CACNA2D3: variants seen among roughly 807,000 people sequenced by gnomAD.
CACNA2D3 encodes voltage-dependent calcium channel subunit alpha-2/delta-3.
Under a neutral mutation model 160.6 loss-of-function variants are expected in CACNA2D3, and 60 were observed. That is an observed-to-expected ratio of 0.37 (90% CI 0.30 to 0.46). CACNA2D3 has a LOEUF of 0.46. Among genes scored for constraint, CACNA2D3 ranks in the 20% least tolerant of loss-of-function variants. The pLI is 1.00. For missense variants in CACNA2D3, 1,205 were observed against 1,365.0 expected (o/e 0.88, Z 1.85); for synonymous variants, 558 against 492.9 (o/e 1.13, Z -1.75).
intron 4 of CACNA2D3, among the ~76,000 whole-genome samples, chr3:54,482,441 A>T (rs1439031610): frequency 2.0e-5 from 3 of 152,238 alleles, no homozygotes; most frequent in African/African-American, 7.2e-5. Flanking sequence ...TGCCTTCATT[A>T]CTAGCAAGCA....
chr3:54,425,991 A>G (rs1245757235), intron 4 of CACNA2D3, among the ~76,000 whole-genome samples: 1 of 152,236 alleles, frequency 6.6e-6, no homozygotes, highest in Non-Finnish European at 1.5e-5. Flanking sequence ...AGCCACCTGC[A>G]TGGCACGTTG....
intron 11 of CACNA2D3, among the ~76,000 whole-genome samples, chr3:54,747,992 G>C (rs1001995209): frequency 2.0e-5 from 3 of 152,154 alleles, no homozygotes; most frequent in Non-Finnish European, 4.4e-5. Context: ...CCAAGAAAAT[G>C]TGAAGTCCCT....
At chr3:54,855,153 G>A (rs1699141030) in intron 17 of CACNA2D3, among the ~76,000 whole-genome samples, 1 of 152,122 alleles carries the variant, frequency 6.6e-6, no homozygotes, top group East Asian at 1.9e-4. Flanking sequence ...CCTCTGATCT[G>A]GGCTGCGACT....
intron 27 of CACNA2D3, among the ~76,000 whole-genome samples, chr3:54,941,478 GT>G (rs1057368762): frequency 1.3e-5 from 2 of 152,086 alleles, no homozygotes; most frequent in African/African-American, 2.4e-5. Context: ...TTCATCTGTC[GT>G]TTTCCCCCTC....
chr3:54,223,283 T>C (rs1701607718), intron 2 of CACNA2D3, among the ~76,000 whole-genome samples: 1 of 152,238 alleles, frequency 6.6e-6, no homozygotes, highest in Non-Finnish European at 1.5e-5. Context: ...AGTCTATTGC[T>C]CCTAGGTGAC....
chr3:54,784,370 T>C (rs1702594064), intron 13 of CACNA2D3, among the ~76,000 whole-genome samples: 1 of 152,088 alleles, frequency 6.6e-6, no homozygotes, highest in Non-Finnish European at 1.5e-5. Flanking sequence ...AAACCTTGCC[T>C]CTGGTCTGAA....
At chr3:54,188,078 C>G (rs116149670) in intron 2 of CACNA2D3, among the ~76,000 whole-genome samples, 1 of 152,130 alleles carries the variant, frequency 6.6e-6, no homozygotes, top group Non-Finnish European at 1.5e-5. Context: ...TATGTGCTCC[C>G]CCAACCAGCT....
At chr3:55,002,356 C>T (rs1291462139) in intron 31 of CACNA2D3, among the ~76,000 whole-genome samples, 1 of 152,142 alleles carries the variant, frequency 6.6e-6, no homozygotes, top group Non-Finnish European at 1.5e-5. Flanking sequence ...AAGTCAATAC[C>T]AATTCTTGCC....
intron 2 of CACNA2D3, among the ~76,000 whole-genome samples, chr3:54,263,030 A>G (rs1054547520): frequency 1.3e-5 from 2 of 152,172 alleles, no homozygotes; most frequent in Admixed American, 6.5e-5. Context: ...ATGACTTTGC[A>G]GAGAAATTTT....
chr3:54,392,771 A>C (rs1451720728), intron 4 of CACNA2D3, among the ~76,000 whole-genome samples: 4 of 152,122 alleles, frequency 2.6e-5, no homozygotes, highest in African/African-American at 9.7e-5. Flanking sequence ...TACCTGTTAC[A>C]ATGGGAGCTT....
chr3:54,602,628 AC>A (rs1382985450), intron 9 of CACNA2D3, among the ~76,000 whole-genome samples: 4 of 152,082 alleles, frequency 2.6e-5, no homozygotes, highest in African/African-American at 9.7e-5. Context: ...CATGAAGCTA[AC>A]CCTGGATTTG....
intron 31 of CACNA2D3, among the ~76,000 whole-genome samples, 177 bp downstream of exon 31, chr3:54,987,930 G>A (rs527555621): frequency 1.3e-4 from 20 of 152,306 alleles, no homozygotes; most frequent in African/African-American, 4.8e-4. Flanking sequence ...TAGAGTGTTA[G>A]AGTCTTAGAA....
At chr3:54,219,165 C>G (rs915952196) in intron 2 of CACNA2D3, among the ~76,000 whole-genome samples, 2 of 152,214 alleles carry the variant, frequency 1.3e-5, no homozygotes, top group Admixed American at 1.3e-4. Flanking sequence ...CATGCTGGAG[C>G]TGCCTCGTAC....
chr3:54,457,982 G>C (rs1299612426), intron 4 of CACNA2D3, among the ~76,000 whole-genome samples: 1 of 151,938 alleles, frequency 6.6e-6, no homozygotes, highest in Non-Finnish European at 1.5e-5. Flanking sequence ...TACATGCAAA[G>C]TAAATTTCCT....
rs180916616 is a variant in CACNA2D3 at position 54,417,358 on chromosome 3, C to T, written c.381+30584C>T. Among the ~76,000 whole-genome samples the T allele has an allele frequency of 8.9e-4, 136 of 152,270 alleles. 3 individuals are homozygous for T. The highest frequency in any genetic ancestry group is 3.1e-3 in the African/African-American group (129 of 41,554). ...ATAATTTTCTTGTTTGGAGTATTTT[C>T]TTTAGTAGCCAGAGATTCTGATGTT... On this transcript the variant is annotated intron_variant, in intron 4 of 37. Transcript: ENST00000474759.
chr3:54,308,700 C>G (rs1364110991), intron 2 of CACNA2D3, among the ~76,000 whole-genome samples: 1 of 152,188 alleles, frequency 6.6e-6, no homozygotes, highest in Non-Finnish European at 1.5e-5. Flanking sequence ...TGCTTGATCT[C>G]TCTATACCTT....
chr3:54,280,405 A>G (rs937027968), intron 2 of CACNA2D3, among the ~76,000 whole-genome samples: 7 of 152,112 alleles, frequency 4.6e-5, no homozygotes, highest in Non-Finnish European at 1.0e-4. Flanking sequence ...ATACATATTT[A>G]TTAAGCACCT....
chr3:54,663,098 G>A lies in CACNA2D3; in HGVS notation c.1167+20857G>A, dbSNP rs556011626. Among the ~76,000 whole-genome samples the A allele has an allele frequency of 2.0e-5, 3 of 152,358 alleles. No homozygotes were observed. The South Asian group carries it at 6.2e-4, about 32-fold the overall frequency. On this transcript the variant is annotated intron_variant, in intron 11 of 37. Coordinates refer to ENST00000474759, the MANE Select transcript of CACNA2D3 (RefSeq NM_018398.3). ...GAATGAGTCAGAACACCCGCAAAAA[G>A]ACCTTGATGGGACATGAGGCCTCAG...
At chr3:54,209,770 G>A (rs1003883181) in intron 2 of CACNA2D3, among the ~76,000 whole-genome samples, 13 of 152,314 alleles carry the variant, frequency 8.5e-5, no homozygotes, top group Middle Eastern at 3.4e-3. Context: ...TAAAGTATAC[G>A]TTGGCTGTCT....
Sources: allele counts gnomAD v4.1 joint callset (sites outside exome capture counted in the v4.1 genomes callset), GRCh38; gene constraint gnomAD v4.1.1; transcripts MANE v1.5; gene names NCBI Gene and HGNC (gene_info 2026-07-23, HGNC 2026-07-21).